The following ATRNL1 variants were observed in gnomAD, a reference collection of about 807,000 sequenced individuals.
ATRNL1 encodes the protein attractin like 1.
In ATRNL1, 95 loss-of-function variants were observed where a neutral mutation model predicts 182.7. The observed-to-expected ratio is 0.52, with a 90% CI of 0.44 to 0.62. ATRNL1 has a LOEUF of 0.62. Ranked by LOEUF, ATRNL1 falls within the 20% of genes least tolerant of loss-of-function variation. The probability of loss-of-function intolerance (pLI) is 0.00; values close to 1 mark genes in which losing one functional copy is unlikely to be tolerated. For synonymous variants in ATRNL1, 576 were observed against 568.3 expected, an observed-to-expected ratio of 1.01 and a Z score of -0.19; for missense variants, 1,471 against 1,679.5, an observed-to-expected ratio of 0.88 and a Z score of 2.17.
At chr10:115,862,481 AC>A (rs1300204413) in intron 28 of ATRNL1, among the ~76,000 whole-genome samples, 1 of 152,106 alleles carries the variant, frequency 6.6e-6, no homozygotes, top group Non-Finnish European at 1.5e-5. Context: ...CCCTCAGCCA[AC>A]TTTTTTCATA....
rs757820146 is a variant in ATRNL1, at chr10:115,183,404, A to G, written c.1348+12112A>G. ...AAATAAAAGCTGAAATTAATGATGT[A>G]AGAACAGAAAAACAGATTAATTTTT... On this transcript the variant is annotated intron_variant, in intron 8 of 28. Transcript: ENST00000355044. Among the ~76,000 whole-genome samples, 26 of 151,628 alleles carry G rather than the reference A, an allele frequency of 1.7e-4. No homozygotes were observed. The Middle Eastern group carries it at 0.021, about 120-fold the overall frequency.
chr10:115,293,393 G>T (rs1358856996), intron 15 of ATRNL1, among the ~76,000 whole-genome samples: 2 of 151,792 alleles, frequency 1.3e-5, no homozygotes, highest in Non-Finnish European at 1.5e-5. Flanking sequence ...TCAATTTATT[G>T]GTTGTTTTCT....
At chr10:115,873,778 A>G (rs544667529) in intron 28 of ATRNL1, among the ~76,000 whole-genome samples, 16 of 152,372 alleles carry the variant, frequency 1.1e-4, no homozygotes, top group Non-Finnish European at 1.5e-4. Flanking sequence ...TCAAAGACCA[A>G]TGAGACTGAG....
At chr10:115,135,065 C>T (rs1845441272) in intron 5 of ATRNL1, among the ~76,000 whole-genome samples, 1 of 151,878 alleles carries the variant, frequency 6.6e-6, no homozygotes, top group Non-Finnish European at 1.5e-5. Flanking sequence ...TATGACAAAC[C>T]CACAGCCAAT....
At chr10:115,446,732 A>C (rs938456021) in intron 21 of ATRNL1, among the ~76,000 whole-genome samples, 2 of 152,170 alleles carry the variant, frequency 1.3e-5, no homozygotes, top group South Asian at 4.1e-4. Flanking sequence ...TATTCTCCTG[A>C]AGCTCTACGA....
rs1185607656 is a variant in ATRNL1 at position 115,947,168 on chromosome 10, T to C, written c.*2389T>C. ...ATTCTTTGCCCTCAGGTGAAGTGGA[T>C]TGAAAAGACATCAAGGATCAAGGAT... On this transcript the variant is annotated 3_prime_UTR_variant, in exon 29 of 29. Transcript: ENST00000355044. The C allele has an allele frequency of 6.6e-6, 1 of 152,626 alleles. No homozygotes were observed. Among genetic ancestry groups the C allele is most frequent in the East Asian group, 1.9e-4 (1 of 5,192 alleles). 9.5% of individuals were successfully genotyped at this position (152,626 alleles called of 1,614,324 possible).
intron 26 of ATRNL1, among the ~76,000 whole-genome samples, chr10:115,560,100 T>C (rs1853607197): frequency 6.6e-6 from 1 of 152,124 alleles, no homozygotes; most frequent in Admixed American, 6.5e-5. Context: ...ATGAAAAACC[T>C]GAAAGTAAAA....
intron 10 of ATRNL1, among the ~76,000 whole-genome samples, chr10:115,259,273 G>T (rs569511426): frequency 6.6e-6 from 1 of 152,296 alleles, no homozygotes; most frequent in African/African-American, 2.4e-5. Context: ...GGTAGGCTCC[G>T]TCCAGTTTAA....
intron 10 of ATRNL1, among the ~76,000 whole-genome samples, chr10:115,259,725 G>T (rs536674594): frequency 2.2e-4 from 34 of 152,292 alleles, no homozygotes; most frequent in South Asian, 1.9e-3. Flanking sequence ...GCAGACTGGA[G>T]CTGTTCCTAT....
At chr10:115,926,144 G>T (rs1366596183) in intron 28 of ATRNL1, among the ~76,000 whole-genome samples, 1 of 152,168 alleles carries the variant, frequency 6.6e-6, no homozygotes. Context: ...TAAACAACCT[G>T]CTCCTGAATG....
chr10:115,307,501 A>G (rs1393197220), intron 17 of ATRNL1, among the ~76,000 whole-genome samples: 1 of 152,090 alleles, frequency 6.6e-6, no homozygotes, highest in Non-Finnish European at 1.5e-5. Flanking sequence ...ACTTCAAGTA[A>G]TCTGCCCACC....
At chr10:115,428,253 C>T (rs1339443805) in intron 21 of ATRNL1, among the ~76,000 whole-genome samples, 2 of 151,964 alleles carry the variant, frequency 1.3e-5, no homozygotes, top group East Asian at 3.9e-4. Context: ...GGTTTTACAT[C>T]CTGTAGCTTT....
chr10:115,722,286 G>A (rs1947453534), intron 26 of ATRNL1, among the ~76,000 whole-genome samples: 1 of 151,922 alleles, frequency 6.6e-6, no homozygotes, highest in South Asian at 2.1e-4. Context: ...ACTGTAACCT[G>A]AATAAAGATG....
chr10:115,328,207 G>A (rs1855019653), intron 18 of ATRNL1, among the ~76,000 whole-genome samples: 2 of 151,718 alleles, frequency 1.3e-5, no homozygotes, highest in South Asian at 4.2e-4. Flanking sequence ...ATAGACAATT[G>A]GTAATACAGA....
intron 26 of ATRNL1, among the ~76,000 whole-genome samples, chr10:115,564,474 T>TGTA (rs1361908616): frequency 6.6e-6 from 1 of 152,012 alleles, no homozygotes; most frequent in East Asian, 1.9e-4. Flanking sequence ...TTTTAATAGA[T>TGTA]GTATGTTTTT....
At chr10:115,731,089 A>G (rs1296501026) in intron 27 of ATRNL1, among the ~76,000 whole-genome samples, 3 of 152,126 alleles carry the variant, frequency 2.0e-5, no homozygotes, top group African/African-American at 7.2e-5. Context: ...TTCCCAGCCC[A>G]CTGACTCAAA....
chr10:115,446,701 C>A (rs1180045925), intron 21 of ATRNL1, among the ~76,000 whole-genome samples: 1 of 151,834 alleles, frequency 6.6e-6, no homozygotes, highest in Non-Finnish European at 1.5e-5. Flanking sequence ...GAATTTGGAG[C>A]CTGAAGTATG....
At chr10:115,660,426 A>C (rs1305311392) in intron 26 of ATRNL1, among the ~76,000 whole-genome samples, 1 of 152,162 alleles carries the variant, frequency 6.6e-6, no homozygotes, top group African/African-American at 2.4e-5. Context: ...AATTATATAG[A>C]TAAGTGGGCT....
chr10:115,524,389 G>A (rs1397883077), intron 25 of ATRNL1, among the ~76,000 whole-genome samples: 1 of 151,906 alleles, frequency 6.6e-6, no homozygotes, highest in Admixed American at 6.6e-5. Context: ...TTCAAAAATT[G>A]AAAAGAATAA....
Sources: allele counts gnomAD v4.1 joint callset (sites outside exome capture counted in the v4.1 genomes callset), GRCh38; gene constraint gnomAD v4.1.1; transcripts MANE v1.5; gene names NCBI Gene and HGNC (gene_info 2026-07-23, HGNC 2026-07-21).